CNTN4: variants seen among roughly 807,000 people sequenced by gnomAD.
CNTN4 encodes the protein contactin 4, also known as contactin-4.
Under a neutral mutation model 122.5 loss-of-function variants are expected in CNTN4, and 77 were observed. The ratio of observed to expected loss-of-function variants is 0.63; its 90% CI spans 0.52 to 0.76. CNTN4 has a LOEUF of 0.76. Ranked by LOEUF, CNTN4 falls within the 30% of genes least tolerant of loss-of-function variation. The probability of loss-of-function intolerance (pLI) is 0.00; values close to 1 mark genes in which losing one functional copy is unlikely to be tolerated. For missense variants in CNTN4, 1,256 were observed against 1,259.1 expected (o/e 1.00, Z 0.04); for synonymous variants, 512 against 447.0 (o/e 1.15, Z -1.83).
intron 4 of CNTN4, among the ~76,000 whole-genome samples, chr3:2,584,346 C>T (rs917643705): frequency 1.3e-5 from 2 of 152,072 alleles, no homozygotes; most frequent in Admixed American, 6.6e-5. Context: ...TTCCAGGTAT[C>T]TATTCTTCCA....
chr3:2,169,695 C>A (rs1331424624), intron 2 of CNTN4, among the ~76,000 whole-genome samples: 3 of 152,090 alleles, frequency 2.0e-5, no homozygotes, highest in Admixed American at 2.0e-4. Flanking sequence ...CCGCGCCCGG[C>A]CTAGAAACTT....
intron 12 of CNTN4, among the ~76,000 whole-genome samples, chr3:2,920,258 T>C (rs1187225163): frequency 7.6e-6 from 1 of 131,574 alleles, no homozygotes; most frequent in African/African-American, 2.8e-5. Flanking sequence ...GACTAAACTA[T>C]AGTAATGGGA....
chr3:2,933,045 A>G (rs1202676654), intron 13 of CNTN4, among the ~76,000 whole-genome samples: 5 of 152,108 alleles, frequency 3.3e-5, no homozygotes, highest in African/African-American at 4.8e-5. Context: ...GATGGTCTCG[A>G]TCTCCTGACC....
At chr3:3,036,300 G>T (rs1699597887) in intron 17 of CNTN4, among the ~76,000 whole-genome samples, 1 of 152,108 alleles carries the variant, frequency 6.6e-6, no homozygotes, top group East Asian at 1.9e-4. Context: ...TTAGAAATGG[G>T]TTTCTGTGTT....
chr3:2,456,834 T>C (rs988924426), intron 3 of CNTN4, among the ~76,000 whole-genome samples: 3 of 152,174 alleles, frequency 2.0e-5, no homozygotes, highest in African/African-American at 7.2e-5. Context: ...TGAACATTCA[T>C]ACACAAGTAT....
chr3:2,260,894 A>C (rs1221972574), intron 2 of CNTN4, among the ~76,000 whole-genome samples: 1 of 151,454 alleles, frequency 6.6e-6, no homozygotes, highest in Non-Finnish European at 1.5e-5. Flanking sequence ...CGCTTGGCTA[A>C]ATTTTTGCAT....
chr3:3,009,116 GACTGGAGA>G, intron 14 of CNTN4: 1 of 790,192 alleles, frequency 1.3e-6, no homozygotes, highest in Non-Finnish European at 1.5e-6. Context: ...GCCCTGGCAT[GACTGGAGA>G]GTAGGGGCCA....
chr3:2,180,050 G>C lies in CNTN4; in HGVS notation c.-145+79411G>C, dbSNP rs1198825366. 1.6e-3 allele frequency among the ~76,000 whole-genome samples: 247 copies of C among 151,970 alleles called. 1 individual carries two copies. Among genetic ancestry groups the C allele is most frequent in the African/African-American group, 5.8e-3 (241 of 41,482 alleles). ...GGCTCCATAGCCATAGGTAGCTTAT[G>C]GCTGCTGAATTAGATGGTGCATATA... On this transcript the variant is annotated intron_variant, in intron 2 of 24. Coordinates refer to ENST00000418658, the MANE Select transcript of CNTN4 (RefSeq NM_175607.3).
intron 2 of CNTN4, among the ~76,000 whole-genome samples, chr3:2,222,409 G>A (rs941303743): frequency 6.6e-6 from 1 of 152,068 alleles, no homozygotes; most frequent in Non-Finnish European, 1.5e-5. Flanking sequence ...AGTAGGCAGT[G>A]ACTCCAAAGA....
At chr3:2,156,541 G>A (rs1341503403) in intron 2 of CNTN4, among the ~76,000 whole-genome samples, 1 of 152,178 alleles carries the variant, frequency 6.6e-6, no homozygotes, top group Non-Finnish European at 1.5e-5. Flanking sequence ...GGGACATCAA[G>A]AGATAAATCG....
intron 3 of CNTN4, among the ~76,000 whole-genome samples, chr3:2,419,028 A>C (rs13072674): frequency 0.18 from 28,162 of 152,232 alleles, 3,250 homozygotes; most frequent in Middle Eastern, 0.27. Flanking sequence ...ATTTAAAATT[A>C]GCTCCAGGGT....
chr3:2,518,215 A>G (rs901274113), intron 3 of CNTN4, among the ~76,000 whole-genome samples: 5 of 150,742 alleles, frequency 3.3e-5, no homozygotes, highest in Non-Finnish European at 7.4e-5. Flanking sequence ...TTAGGTTAAT[A>G]TGTGTGTGTG....
At chr3:2,126,151 A>G (rs557824685) in intron 2 of CNTN4, among the ~76,000 whole-genome samples, 1 of 152,248 alleles carries the variant, frequency 6.6e-6, no homozygotes, top group South Asian at 2.1e-4. Flanking sequence ...CCTCCGGGGA[A>G]CATAGTTTTT....
chr3:2,259,720 TC>T (rs1169076153), intron 2 of CNTN4, among the ~76,000 whole-genome samples: 2 of 152,158 alleles, frequency 1.3e-5, no homozygotes, highest in Non-Finnish European at 2.9e-5. Flanking sequence ...TTCAGTTTTC[TC>T]CCACCAAGTC....
At chr3:2,373,561 C>A (rs2045710790) in intron 3 of CNTN4, among the ~76,000 whole-genome samples, 1 of 152,200 alleles carries the variant, frequency 6.6e-6, no homozygotes, top group African/African-American at 2.4e-5. Flanking sequence ...CTACTCTTCA[C>A]CCCACCTAAG....
At chr3:2,832,421 T>C (rs1351103972) in intron 7 of CNTN4, among the ~76,000 whole-genome samples, 1 of 151,438 alleles carries the variant, frequency 6.6e-6, no homozygotes, top group Non-Finnish European at 1.5e-5. Flanking sequence ...GGTTGTGAGG[T>C]GGGGGTGAGG....
intron 7 of CNTN4, among the ~76,000 whole-genome samples, chr3:2,859,437 T>A (rs2093650402): frequency 6.6e-6 from 1 of 152,146 alleles, no homozygotes; most frequent in Non-Finnish European, 1.5e-5. Flanking sequence ...AGGGAAACTA[T>A]AACAGACACA....
chr3:2,432,597 T>TGTGTGTGC (rs1404585233), intron 3 of CNTN4, among the ~76,000 whole-genome samples: 1 of 152,030 alleles, frequency 6.6e-6, no homozygotes, highest in Non-Finnish European at 1.5e-5. Flanking sequence ...TGTGTATGTG[T>TGTGTGTGC]GTGTGTGCGT....
intron 13 of CNTN4, among the ~76,000 whole-genome samples, chr3:2,960,904 T>G (rs186584281): frequency 1.3e-4 from 20 of 152,150 alleles, no homozygotes; most frequent in African/African-American, 4.8e-4. Flanking sequence ...CCTTGCGGCT[T>G]TTCAAATCGT....
Sources: allele counts gnomAD v4.1 joint callset (sites outside exome capture counted in the v4.1 genomes callset), GRCh38; gene constraint gnomAD v4.1.1; transcripts MANE v1.5; gene names NCBI Gene and HGNC (gene_info 2026-07-23, HGNC 2026-07-21).